VCL: variants seen among roughly 807,000 people sequenced by gnomAD.
The protein encoded by VCL is epididymis luminal protein 114.
In VCL, 47 loss-of-function variants were observed where a neutral mutation model predicts 125.7. The ratio of observed to expected loss-of-function variants is 0.37; its 90% CI spans 0.30 to 0.48. The LOEUF (loss-of-function observed/expected upper bound fraction) is 0.48, where lower values mean the gene tolerates loss of function less well. Ranked by LOEUF, VCL falls within the 20% of genes least tolerant of loss-of-function variation. The pLI, the probability that VCL is intolerant of heterozygous loss-of-function variation, is 0.99. For missense variants in VCL, 1,069 were observed against 1,455.5 expected (o/e 0.73, Z 4.32); for synonymous variants, 458 against 514.6 (o/e 0.89, Z 1.49).
intron 1 of VCL, among the ~76,000 whole-genome samples, chr10:74,026,051 A>G (rs1840766342): frequency 6.6e-6 from 1 of 152,226 alleles, no homozygotes. Context: ...TTTACATAGC[A>G]TGCAAAGAAG....
chr10:74,107,156 A>G, intron 16 of VCL, 74 bp from the exon 17 acceptor site: 1 of 1,612,080 alleles, frequency 6.2e-7, no homozygotes, highest in Non-Finnish European at 8.5e-7. Flanking sequence ...TCATGGAACC[A>G]GTTCTGCTGC....
chr10:74,120,921 C>CTCT (rs1167074491), downstream of VCL: 7 of 152,140 alleles, frequency 4.6e-5, no homozygotes, highest in African/African-American at 1.7e-4. Context: ...GGACATAGTC[C>CTCT]TCTTCTTCCT....
In VCL at chr10:74,089,228, A is replaced by C; in HGVS notation, c.1055A>C (p.Lys352Thr). The change falls in exon 9 of 22, where the codon AAA (lysine) becomes ACA (threonine). Residue 352 changes from lysine (K) to threonine (T), a missense_variant. Lys to Thr is a moderately conservative substitution (Grantham distance 78). This residue lies in a region of VCL where 760 missense variants were observed against 928.9 expected (regional missense o/e 0.82). Coordinates refer to ENST00000211998, the MANE Select transcript of VCL (RefSeq NM_014000.3). ...GGATCCTCACCGGTGGCCATGCAGAAAGCTCAGCAGGTATCTCAGGGTCTG... is the reference window on the plus strand; with the variant it reads ...GGATCCTCACCGGTGGCCATGCAGACAGCTCAGCAGGTATCTCAGGGTCTG... ...GQGSSPVAMQ[K>T]AQQVSQGLDV... 1.2e-6 allele frequency: 2 copies of C among 1,614,182 alleles called. No individual in the cohort carries two copies. Among genetic ancestry groups the C allele is most frequent in the Non-Finnish European group, 1.7e-6 (2 of 1,180,036 alleles).
intron 18 of VCL, among the ~76,000 whole-genome samples, chr10:74,109,585 T>C (rs575186957): frequency 6.6e-6 from 1 of 151,926 alleles, no homozygotes; most frequent in East Asian, 1.9e-4. Flanking sequence ...TCTTTTTTTT[T>C]CCACAGAAGC....
intron 2 of VCL, among the ~76,000 whole-genome samples, chr10:74,065,460 T>C (rs1016009327): frequency 1.3e-5 from 2 of 152,022 alleles, no homozygotes; most frequent in African/African-American, 4.8e-5. Flanking sequence ...GAGTCTGACA[T>C]GGATGAATTG....
At chr10:74,074,668 A>G (rs1839552593) in intron 5 of VCL, 75 bp from the exon 6 acceptor site, 1 of 1,546,646 alleles carries the variant, frequency 6.5e-7, no homozygotes, top group Admixed American at 1.8e-5. Flanking sequence ...TCTAAAGTGT[A>G]GAACATCTTT....
chr10:74,050,038 C>T (rs1318225948), intron 2 of VCL, among the ~76,000 whole-genome samples: 2 of 152,168 alleles, frequency 1.3e-5, no homozygotes, highest in Admixed American at 6.5e-5. Context: ...AATTCTTGGA[C>T]CTGATCCAAG....
At chr10:74,053,808 A>G (rs189230362) in intron 2 of VCL, among the ~76,000 whole-genome samples, 2 of 152,122 alleles carry the variant, frequency 1.3e-5, no homozygotes, top group East Asian at 3.9e-4. Flanking sequence ...ACAGGGTTTC[A>G]CTATGTTGGT....
At chr10:74,017,471 T>TTC (rs1346184662) in intron 1 of VCL, among the ~76,000 whole-genome samples, 1 of 152,180 alleles carries the variant, frequency 6.6e-6, no homozygotes, top group African/African-American at 2.4e-5. Flanking sequence ...ATGCTGCTAT[T>TTC]TCATCATATG....
intron 1 of VCL, among the ~76,000 whole-genome samples, chr10:74,006,619 T>C (rs1840327760): frequency 6.6e-6 from 1 of 152,224 alleles, no homozygotes; most frequent in Non-Finnish European, 1.5e-5. Flanking sequence ...ATCTGACTTT[T>C]TGAGTATTGA....
At chr10:74,121,048 T>C (rs1481324268), downstream of VCL, 2 of 152,156 alleles carry the variant, frequency 1.3e-5, no homozygotes, top group African/African-American at 2.4e-5. Flanking sequence ...GGTGATGATA[T>C]TGATATTTAG....
rs1411168963 is a variant in VCL at position 73,998,231 on chromosome 10, G to A, written c.24G>A (p.Thr8=). Residue 8 remains threonine, a synonymous_variant, in exon 1 of 22, where the codon ACG becomes ACA. Coordinates refer to ENST00000211998, the MANE Select transcript of VCL (RefSeq NM_014000.3). ...CGATGCCAGTGTTTCATACGCGCAC[G>A]ATCGAGAGCATCCTGGAGCCGGTGG... MPVFHTR[T]IESILEPVAQ... 6.2e-7 allele frequency: 1 copy of A among 1,612,960 alleles called. No individual in the cohort carries two copies. The highest frequency in any genetic ancestry group is 1.7e-5 in the Admixed American group (1 of 59,972).
At chr10:74,060,291 C>A (rs182695846) in intron 2 of VCL, among the ~76,000 whole-genome samples, 2 of 150,714 alleles carry the variant, frequency 1.3e-5, no homozygotes, top group African/African-American at 4.9e-5. Flanking sequence ...GGTAACAGAG[C>A]GAGACACTGT....
At chr10:74,003,068 G>A (rs1180704727) in intron 1 of VCL, among the ~76,000 whole-genome samples, 1 of 151,438 alleles carries the variant, frequency 6.6e-6, no homozygotes, top group African/African-American at 2.4e-5. Context: ...TAGGGTGGGA[G>A]TATTTATTTA....
At chr10:74,069,692 C>T (rs2136272095) in intron 2 of VCL, among the ~76,000 whole-genome samples, 1 of 152,290 alleles carries the variant, frequency 6.6e-6, no homozygotes, top group Non-Finnish European at 1.5e-5. Context: ...TAGTCAGTCA[C>T]AACATAATGG....
chr10:74,097,233 G>T lies in VCL; in HGVS notation c.1773G>T (p.Met591Ile). The change falls in exon 13 of 22, where the codon ATG becomes ATT. Residue 591 changes from methionine to isoleucine, a missense_variant. Transcript: ENST00000211998. This position sits in a 1 kb window ranked among gnomAD's most constrained non-coding sequence, Gnocchi z 4.1. ...KDLKARMQEA[M>I]TQEVSDVFSD... ...TAAAAGCTCGGATGCAGGAGGCCAT[G>T]ACTCAGGAAGTGTCAGATGTTTTCA... 1 of 1,614,082 alleles carries T rather than the reference G, an allele frequency of 6.2e-7. No homozygotes were observed. The highest frequency in any genetic ancestry group is 8.5e-7 in the Non-Finnish European group (1 of 1,180,012).
chr10:74,045,264 CGGAT>C lies in VCL; in HGVS notation c.239+2112_239+2115del, dbSNP rs1239175468. On this transcript the variant is annotated intron_variant, in intron 2 of 21. Coordinates refer to ENST00000211998, the MANE Select transcript of VCL (RefSeq NM_014000.3). ...AATGAAAAACAGAGAGACAGAGAGA[CGGAT>C]AGATAGATAGATAGATAGATAGATA... Among the ~76,000 whole-genome samples the C allele has an allele frequency of 2.7e-3, 330 of 123,596 alleles. 1 individual carries two copies. Among genetic ancestry groups the C allele is most frequent in the African/African-American group, 9.6e-3 (298 of 31,128 alleles). 81.1% of individuals were successfully genotyped at this position (123,596 alleles called of 152,430 possible). A position where few individuals can be genotyped will look rare whatever the true frequency, so the allele number is the denominator to read the frequency against.
At position 74,066,071 on chromosome 10, in the gene VCL, T is replaced by A. The variant is rs570849412; in HGVS notation, c.240-4599T>A. On this transcript the variant is annotated intron_variant, in intron 2 of 21. Coordinates refer to ENST00000211998, the MANE Select transcript of VCL (RefSeq NM_014000.3). ...GGTATATATATATATATTTTTTTTT[T>A]TTTTTGAGATGGAGTTTCGCTTTTG... Among the ~76,000 whole-genome samples the A allele has an allele frequency of 1.4e-3, 155 of 110,338 alleles. 2 individuals are homozygous for A. The South Asian group carries it at 0.041, about 29-fold the overall frequency. The allele number at this position is 110,338 out of a possible 152,430, so 72.4% of individuals were successfully genotyped here. A position where few individuals can be genotyped will look rare whatever the true frequency, so the allele number is the denominator to read the frequency against.
intron 21 of VCL, among the ~76,000 whole-genome samples, chr10:74,115,137 C>T (rs71535720): frequency 4.6e-5 from 7 of 152,006 alleles, no homozygotes; most frequent in South Asian, 2.1e-4. Flanking sequence ...GAGGCTGAGG[C>T]GGGAGAATTG....
Sources: allele counts gnomAD v4.1 joint callset (sites outside exome capture counted in the v4.1 genomes callset), GRCh38; gene constraint gnomAD v4.1.1; regional missense constraint gnomAD v4.1.1; non-coding constraint Gnocchi (gnomAD v3.1); transcripts MANE v1.5; gene names NCBI Gene and HGNC (gene_info 2026-07-23, HGNC 2026-07-21).